Variants in FER observed in about 807,000 individuals in gnomAD.
FER encodes FER tyrosine kinase, also known as tyrosine-protein kinase Fer.
A neutral mutation model predicts 111.0 loss-of-function variants in FER; 63 were observed. The ratio of observed to expected loss-of-function variants is 0.57; its 90% CI spans 0.46 to 0.70. The LOEUF (loss-of-function observed/expected upper bound fraction) is 0.70, where lower values mean the gene tolerates loss of function less well. FER is among the 30% of genes least tolerant of loss of function. The pLI is 0.00. For missense variants in FER, 914 were observed against 954.0 expected, an observed-to-expected ratio of 0.96 and a Z score of 0.55; for synonymous variants, 327 against 313.9, an observed-to-expected ratio of 1.04 and a Z score of -0.44.
At chr5:109,070,530 A>G (rs1775648758) in intron 16 of FER, among the ~76,000 whole-genome samples, 2 of 151,988 alleles carry the variant, frequency 1.3e-5, no homozygotes, top group African/African-American at 2.4e-5. Context: ...CAGTAGCTCC[A>G]TAATAATATA....
chr5:109,148,885 T>A (rs1754519077), intron 17 of FER, among the ~76,000 whole-genome samples: 1 of 152,050 alleles, frequency 6.6e-6, no homozygotes, highest in African/African-American at 2.4e-5. Context: ...ATGCTAAGGA[T>A]TAGAAAGATC....
At chr5:109,146,953 G>A (rs1754288101) in intron 17 of FER, among the ~76,000 whole-genome samples, 1 of 152,032 alleles carries the variant, frequency 6.6e-6, no homozygotes, top group African/African-American at 2.4e-5. Flanking sequence ...GAATATTTAA[G>A]AGACAATGTA....
At chr5:108,991,096 T>C (rs1211350548) in intron 13 of FER, among the ~76,000 whole-genome samples, 1 of 151,594 alleles carries the variant, frequency 6.6e-6, no homozygotes, top group Non-Finnish European at 1.5e-5. Flanking sequence ...AGGGGTACTT[T>C]TATTTGTAAT....
intron 17 of FER, among the ~76,000 whole-genome samples, chr5:109,113,101 A>G (rs1216631140): frequency 6.6e-6 from 1 of 152,190 alleles, no homozygotes; most frequent in Non-Finnish European, 1.5e-5. Context: ...GGCTTCCATC[A>G]CTGCTGAAAC....
chr5:109,075,599 A>G (rs1209821171), intron 16 of FER, among the ~76,000 whole-genome samples: 1 of 151,714 alleles, frequency 6.6e-6, no homozygotes, highest in African/African-American at 2.4e-5. Context: ...AATTTTTTGT[A>G]TTTTTAGTAG....
intron 16 of FER, among the ~76,000 whole-genome samples, chr5:109,053,899 G>A (rs1204421711): frequency 6.6e-6 from 1 of 151,944 alleles, no homozygotes; most frequent in Admixed American, 6.6e-5. Flanking sequence ...CACCATGTTA[G>A]CCAGGATGGT....
intron 10 of FER, among the ~76,000 whole-genome samples, chr5:108,932,988 T>C (rs1245479517): frequency 6.6e-6 from 1 of 152,120 alleles, no homozygotes. Flanking sequence ...AGATTCTGGA[T>C]ATTAGCCCTT....
intron 11 of FER, 39 bp downstream of exon 11, chr5:108,946,261 A>G (rs1756970646): frequency 1.4e-6 from 2 of 1,401,248 alleles, no homozygotes; most frequent in Non-Finnish European, 2.0e-6. Context: ...GAAAATGGTC[A>G]TTGTCTAGCT....
chr5:109,137,004 A>G (rs941108721), intron 17 of FER, among the ~76,000 whole-genome samples: 1 of 152,218 alleles, frequency 6.6e-6, no homozygotes, highest in African/African-American at 2.4e-5. Flanking sequence ...TACAGGCTAT[A>G]CAACTTGTCT....
chr5:108,993,872 T>A (rs1763655881), intron 13 of FER, among the ~76,000 whole-genome samples: 1 of 152,224 alleles, frequency 6.6e-6, no homozygotes, highest in African/African-American at 2.4e-5. Context: ...ATTTCTCTAA[T>A]GATCAGTGAT....
chr5:108,953,498 G>A (rs142324752), intron 11 of FER, among the ~76,000 whole-genome samples: 3 of 152,024 alleles, frequency 2.0e-5, no homozygotes, highest in African/African-American at 7.2e-5. Flanking sequence ...AGGTCTGTTT[G>A]GGACTTTTCA....
chr5:109,017,032 A>G (rs1465456178), intron 13 of FER, among the ~76,000 whole-genome samples: 1 of 152,066 alleles, frequency 6.6e-6, no homozygotes, highest in Non-Finnish European at 1.5e-5. Context: ...CTGTTGTTTA[A>G]GCCACCCAGT....
At chr5:108,833,878 A>AC (rs920756847) in intron 4 of FER, among the ~76,000 whole-genome samples, 4 of 152,120 alleles carry the variant, frequency 2.6e-5, no homozygotes, top group African/African-American at 9.7e-5. Context: ...CGTCTCAAAA[A>AC]AAAAAAAAAA....
chr5:108,868,004 T>C, intron 6 of FER, 54 bp downstream of exon 6: 1 of 1,527,446 alleles, frequency 6.5e-7, no homozygotes, highest in Non-Finnish European at 8.9e-7. Flanking sequence ...GATTTCAACA[T>C]ATTTTCTCTC....
chr5:109,046,474 G>T (rs1180657833), intron 15 of FER, among the ~76,000 whole-genome samples: 1 of 152,058 alleles, frequency 6.6e-6, no homozygotes, highest in East Asian at 1.9e-4. Context: ...ACATGTTTTA[G>T]ATTAACTAGT....
intron 15 of FER, among the ~76,000 whole-genome samples, chr5:109,045,950 G>T (rs867902722): frequency 6.6e-6 from 1 of 152,092 alleles, no homozygotes; most frequent in African/African-American, 2.4e-5. Flanking sequence ...ATAAACAACG[G>T]GAGTTTCAGT....
intron 17 of FER, among the ~76,000 whole-genome samples, chr5:109,142,393 T>C (rs573187245): frequency 1.3e-5 from 2 of 152,178 alleles, no homozygotes; most frequent in Non-Finnish European, 2.9e-5. Flanking sequence ...TGTTTGATGG[T>C]GAGCCACTGA....
intron 1 of FER, among the ~76,000 whole-genome samples, chr5:108,749,616 C>T (rs1241058823): frequency 6.6e-6 from 1 of 152,234 alleles, no homozygotes; most frequent in Non-Finnish European, 1.5e-5. Context: ...CACCTTCTCC[C>T]GCTTTTATCC....
intron 17 of FER, among the ~76,000 whole-genome samples, chr5:109,113,512 T>C (rs1749872561): frequency 6.6e-6 from 1 of 152,188 alleles, no homozygotes; most frequent in South Asian, 2.1e-4. Flanking sequence ...TTTTCACTTC[T>C]TGGGGCAACA....
Sources: gnomAD v4.1 joint callset for allele counts (sites outside exome capture counted in the v4.1 genomes callset) on GRCh38, gnomAD v4.1.1 for gene constraint, MANE v1.5 for transcripts, NCBI Gene and HGNC (gene_info 2026-07-23, HGNC 2026-07-21) for gene names.